The following UGGT2 variants were observed in gnomAD, a reference collection of about 807,000 sequenced individuals.
The protein encoded by UGGT2 is UDP-glucose:glycoprotein glucosyltransferase 2.
Under a neutral mutation model 192.1 loss-of-function variants are expected in UGGT2, and 180 were observed. The ratio of observed to expected loss-of-function variants is 0.94; its 90% CI spans 0.83 to 1.06. The LOEUF is 1.06. UGGT2 is among the 50% of genes least tolerant of loss of function. The pLI is 0.00. For synonymous variants in UGGT2, 580 were observed against 591.0 expected, an observed-to-expected ratio of 0.98 and a Z score of 0.27; for missense variants, 1,849 against 1,795.7, an observed-to-expected ratio of 1.03 and a Z score of -0.54.
At position 95,890,864 on chromosome 13, in the gene UGGT2, C is replaced by G; in HGVS notation, c.2956G>C (p.Val986Leu). The G allele has an allele frequency of 6.2e-7, 1 of 1,608,712 alleles. No homozygotes were observed. Among genetic ancestry groups the G allele is most frequent in the South Asian group, 1.1e-5 (1 of 90,328 alleles). The change falls in exon 25 of 39, where the codon GTT becomes CTT. Residue 986 changes from valine to leucine, a missense_variant and splice_region_variant. By Grantham distance (32) the Val-to-Leu change is conservative (BLOSUM62 1). Transcript: ENST00000376747. ...TAGTCTAATTTATATTATCTTACAACCAACAACTGTGCCATTTTCTGTGCT... is the reference window on the plus strand; with the variant it reads ...TAGTCTAATTTATATTATCTTACAAGCAACAACTGTGCCATTTTCTGTGCT... The part of the protein sequence containing the change: ...REAQKMAQLL[V>L]VLGKIINMKI...
intron 27 of UGGT2, among the ~76,000 whole-genome samples, chr13:95,882,964 G>A (rs935956690): frequency 8.6e-5 from 13 of 151,832 alleles, no homozygotes; most frequent in African/African-American, 2.9e-4. Context: ...AAAAAACAGC[G>A]ATTTTTTTTT....
chr13:95,894,488 A>C (rs1410263533), intron 24 of UGGT2, 74 bp downstream of exon 24: 3 of 1,223,150 alleles, frequency 2.5e-6, no homozygotes, highest in African/African-American at 3.0e-5. Flanking sequence ...AAATTTTACC[A>C]TGTTATGAAA....
chr13:95,808,021 A>G (rs968878168), intron 38 of UGGT2, among the ~76,000 whole-genome samples: 2 of 152,106 alleles, frequency 1.3e-5, no homozygotes, highest in African/African-American at 4.8e-5. Flanking sequence ...TAGAGGCTGA[A>G]TTACAGATGT....
rs142507818 is a variant in UGGT2 at position 95,919,347 on chromosome 13, A to G, written c.2295+6333T>C. Among the ~76,000 whole-genome samples, 613 of 152,330 alleles carry G rather than the reference A, an allele frequency of 4.0e-3. 1 individual carries two copies. Among genetic ancestry groups the G allele is most frequent in the Non-Finnish European group, 7.5e-3 (512 of 68,032 alleles). On this transcript the variant is annotated intron_variant, in intron 20 of 38. Transcript: ENST00000376747. ...CTCTCTCACCACTCCTATTCAACACAGTATTGAAAGTTCTGGCCAGGGTAA... is the reference window on the plus strand; with the variant it reads ...CTCTCTCACCACTCCTATTCAACACGGTATTGAAAGTTCTGGCCAGGGTAA...
chr13:95,910,452 A>T (rs1174553123), intron 20 of UGGT2, among the ~76,000 whole-genome samples: 2 of 152,184 alleles, frequency 1.3e-5, no homozygotes, highest in Non-Finnish European at 2.9e-5. Context: ...GTCTCTGATA[A>T]AACAGACTTT....
chr13:95,940,809 T>C (rs1020374464), intron 15 of UGGT2, among the ~76,000 whole-genome samples: 5 of 152,060 alleles, frequency 3.3e-5, no homozygotes, highest in Non-Finnish European at 7.4e-5. Context: ...CTCAGGCTGG[T>C]CTCAAACACC....
intron 30 of UGGT2, among the ~76,000 whole-genome samples, chr13:95,864,768 T>C (rs1490145778): frequency 1.3e-5 from 2 of 152,220 alleles, no homozygotes; most frequent in Admixed American, 1.3e-4. Flanking sequence ...TTCTTTACAT[T>C]GGTTTACAGA....
intron 7 of UGGT2, among the ~76,000 whole-genome samples, chr13:95,991,789 T>A (rs550768250): frequency 6.6e-6 from 1 of 152,216 alleles, no homozygotes; most frequent in Non-Finnish European, 1.5e-5. Flanking sequence ...AAATTCTTTA[T>A]ATAATTTAGG....
intron 29 of UGGT2, among the ~76,000 whole-genome samples, chr13:95,872,810 A>T (rs1335907300): frequency 6.6e-6 from 1 of 152,240 alleles, no homozygotes; most frequent in African/African-American, 2.4e-5. Context: ...AAGATAAAAT[A>T]GAATCTAAAT....
intron 17 of UGGT2, among the ~76,000 whole-genome samples, chr13:95,928,288 G>A (rs549509179): frequency 6.5e-4 from 98 of 151,096 alleles, no homozygotes; most frequent in African/African-American, 2.2e-3. Context: ...GCGGCTGGCC[G>A]GGCAGGGGCT....
intron 27 of UGGT2, among the ~76,000 whole-genome samples, chr13:95,882,926 C>A (rs2047534233): frequency 6.6e-6 from 1 of 152,130 alleles, no homozygotes; most frequent in Non-Finnish European, 1.5e-5. Flanking sequence ...GAATTCCAGA[C>A]TCTATTAAGA....
At chr13:95,995,926 A>G (rs1005953927) in intron 7 of UGGT2, 137 bp downstream of exon 7, 10 of 725,364 alleles carry the variant, frequency 1.4e-5, no homozygotes, top group African/African-American at 7.4e-5. Flanking sequence ...TGTAATAAAT[A>G]AAAACAATCG....
At chr13:95,972,859 G>A (rs1264959243) in intron 10 of UGGT2, among the ~76,000 whole-genome samples, 188 bp from the exon 11 acceptor site, 1 of 152,204 alleles carries the variant, frequency 6.6e-6, no homozygotes, top group African/African-American at 2.4e-5. Context: ...AATGGACATT[G>A]CAATGTTTAT....
At chr13:95,872,113 TA>T (rs1891276524) in intron 29 of UGGT2, among the ~76,000 whole-genome samples, 1 of 152,218 alleles carries the variant, frequency 6.6e-6, no homozygotes, top group Non-Finnish European at 1.5e-5. Context: ...GGTGCATAAA[TA>T]AAGTATCTAA....
At chr13:95,917,091 A>C (rs1283392372) in intron 20 of UGGT2, among the ~76,000 whole-genome samples, 2 of 152,138 alleles carry the variant, frequency 1.3e-5, no homozygotes, top group Non-Finnish European at 2.9e-5. Context: ...CAAGACATAT[A>C]ATCATCAGAT....
chr13:95,891,610 A>G (rs535749136), intron 24 of UGGT2, among the ~76,000 whole-genome samples: 2 of 152,302 alleles, frequency 1.3e-5, no homozygotes, highest in African/African-American at 4.8e-5. Context: ...CATTTAATAT[A>G]ATTAAAAGTT....
intron 10 of UGGT2, among the ~76,000 whole-genome samples, chr13:95,976,219 T>A (rs1486269773): frequency 6.6e-6 from 1 of 152,176 alleles, no homozygotes; most frequent in Non-Finnish European, 1.5e-5. Flanking sequence ...TCACTTAACA[T>A]AATGTCCTCT....
chr13:95,973,219 T>C (rs934111854), intron 10 of UGGT2, among the ~76,000 whole-genome samples: 2 of 152,006 alleles, frequency 1.3e-5, no homozygotes, highest in East Asian at 3.9e-4. Context: ...AAAATTAAGC[T>C]TTTATTTATA....
At chr13:95,998,192 G>A (rs1237662354) in intron 6 of UGGT2, among the ~76,000 whole-genome samples, 2 of 152,176 alleles carry the variant, frequency 1.3e-5, no homozygotes, top group Non-Finnish European at 2.9e-5. Flanking sequence ...CCAAGTGTGT[G>A]TAAAAGGTTG....
Sources: gnomAD v4.1 joint callset for allele counts (sites outside exome capture counted in the v4.1 genomes callset) on GRCh38, gnomAD v4.1.1 for gene constraint, MANE v1.5 for transcripts, NCBI Gene and HGNC (gene_info 2026-07-23, HGNC 2026-07-21) for gene names.